ARHGAP40: variants seen among roughly 807,000 people sequenced by gnomAD.
The protein encoded by ARHGAP40 is rho GTPase-activating protein 40.
In ARHGAP40, 43 loss-of-function variants were observed where a neutral mutation model predicts 73.5. The observed-to-expected ratio is 0.58, with a 90% confidence interval of 0.46 to 0.75. ARHGAP40 has a LOEUF of 0.75. Ranked by LOEUF, ARHGAP40 falls within the 30% of genes least tolerant of loss-of-function variation. ARHGAP40 has a pLI of 0.00. For missense variants in ARHGAP40, 734 were observed against 861.8 expected, an observed-to-expected ratio of 0.85 and a Z score of 1.86; for synonymous variants, 300 against 352.8, an observed-to-expected ratio of 0.85 and a Z score of 1.68.
chr20:38,630,762 C>T (rs2088933258), intron 5 of ARHGAP40, among the ~76,000 whole-genome samples: 2 of 152,164 alleles, frequency 1.3e-5, no homozygotes, highest in South Asian at 4.1e-4. Flanking sequence ...TCCTACCCCA[C>T]CACCCCCTCA....
At position 38,607,274 on chromosome 20, in the gene ARHGAP40, C is replaced by T. The variant is rs1266796461; in HGVS notation, c.137+5195C>T. On this transcript the variant is annotated intron_variant, in intron 1 of 14. Coordinates refer to ENST00000373345, the Ensembl canonical transcript of ARHGAP40. ...TCATTGGGAAAGTTCCTTCATTTCTCTGGGCCTGATCCTTCATTTGTGGAA... is the reference window on the plus strand; with the variant it reads ...TCATTGGGAAAGTTCCTTCATTTCTTTGGGCCTGATCCTTCATTTGTGGAA... Among the ~76,000 whole-genome samples the T allele has an allele frequency of 3.3e-5, 5 of 152,322 alleles. No individual in the cohort carries two copies. The East Asian group carries it at 5.8e-4, about 18-fold the overall frequency.
At chr20:38,645,749 G>A (rs2089047528) in intron 11 of ARHGAP40, among the ~76,000 whole-genome samples, 2 of 152,160 alleles carry the variant, frequency 1.3e-5, no homozygotes, top group Non-Finnish European at 2.9e-5. Context: ...GTGCCAGTGA[G>A]CAGCTATCCC....
exon 2 of ARHGAP40, chr20:38,623,407 C>G: frequency 7.7e-7 from 1 of 1,290,910 alleles, no homozygotes; most frequent in Non-Finnish European, 1.0e-6. Context: ...AGAAGAATCT[C>G]CTGCGACTAC....
At chr20:38,634,917 C>T in intron 6 of ARHGAP40, 132 bp downstream of exon 6, 5 of 997,620 alleles carry the variant, frequency 5.0e-6, no homozygotes, top group Non-Finnish European at 6.4e-6. Context: ...GAGTCTCGCT[C>T]TGTCACCAGG....
intron 1 of ARHGAP40, among the ~76,000 whole-genome samples, chr20:38,617,226 T>C (rs2145598267): frequency 6.6e-6 from 1 of 152,316 alleles, no homozygotes; most frequent in South Asian, 2.1e-4. Context: ...GCCCGCATTC[T>C]TGCTCCCTCG....
chr20:38,647,226 G>T, intron 13 of ARHGAP40, 100 bp downstream of exon 13: 2 of 1,087,220 alleles, frequency 1.8e-6, no homozygotes, highest in Non-Finnish European at 2.4e-6. Context: ...CTGTTGGCCT[G>T]ACCTGGCCTT....
At chr20:38,627,689 G>A (rs1195207432) in intron 3 of ARHGAP40, among the ~76,000 whole-genome samples, 1 of 147,078 alleles carries the variant, frequency 6.8e-6, no homozygotes, top group African/African-American at 2.5e-5. Context: ...TGTGTTGTGT[G>A]TGTGTTGGTG....
intron 3 of ARHGAP40, among the ~76,000 whole-genome samples, chr20:38,627,607 G>GTGTGTTGGTGTGTA (rs1305675287): frequency 2.2e-5 from 3 of 134,564 alleles, no homozygotes; most frequent in Non-Finnish European, 4.7e-5. Context: ...GTGCGTTGGT[G>GTGTGTTGGTGTGTA]TGTGTGTGTT....
At chr20:38,603,401 TTATCTGTCTATCTATC>T (rs1181555561) in intron 1 of ARHGAP40, among the ~76,000 whole-genome samples, 17 of 138,360 alleles carry the variant, frequency 1.2e-4, no homozygotes, top group South Asian at 2.4e-4. Flanking sequence ...ACAAGTTTGT[TTATCTGTCTATCTATC>T]TATCTATCTA....
Position 38,638,651 on chromosome 20 carries a change from C to T in ARHGAP40, c.1042-110C>T, listed in dbSNP as rs537121830. The stretch of plus-strand genomic sequence containing the variant: ...AAACTAATATTATTCCGAAGGAAAC[C>T]CTTCTCCTGGTACTCCCCTCTTTCT... On this transcript the variant is annotated intron_variant, in intron 7 of 14. Coordinates refer to ENST00000373345, the Ensembl canonical transcript of ARHGAP40. 19 of 739,122 alleles carry T rather than the reference C, an allele frequency of 2.6e-5. No individual in the cohort carries two copies. The East Asian group carries it at 9.9e-4, about 38-fold the overall frequency. The allele number at this position is 739,122 out of a possible 1,614,324, so 45.8% of individuals were successfully genotyped here. A position where few individuals can be genotyped will look rare whatever the true frequency, so the allele number is the denominator to read the frequency against.
At chr20:38,605,740 T>C (rs2145591441) in intron 1 of ARHGAP40, among the ~76,000 whole-genome samples, 1 of 152,346 alleles carries the variant, frequency 6.6e-6, no homozygotes, top group South Asian at 2.1e-4. Flanking sequence ...TTTACATACA[T>C]GTATACGTAA....
At chr20:38,639,254 T>G (rs2145611532) in exon 9 of ARHGAP40, 1 of 1,305,462 alleles carries the variant, frequency 7.7e-7, no homozygotes, top group Non-Finnish European at 1.0e-6. Context: ...GGAGAGAGAC[T>G]TCTATGCTGG....
exon 4 of ARHGAP40, chr20:38,628,990 A>C (rs1390427833): frequency 7.7e-7 from 1 of 1,304,852 alleles, no homozygotes; most frequent in East Asian, 5.6e-5. Flanking sequence ...CGGGGCCTCT[A>C]AGTTTCCTCC....
At chr20:38,627,612 T>G (rs2088909508) in intron 3 of ARHGAP40, among the ~76,000 whole-genome samples, 3 of 101,956 alleles carry the variant, frequency 2.9e-5, no homozygotes, top group Non-Finnish European at 4.3e-5. Flanking sequence ...TTGGTGTGTG[T>G]GTGTTGGTGT....
exon 11 of ARHGAP40, chr20:38,643,864 C>A (rs569935190): frequency 1.5e-6 from 2 of 1,305,246 alleles, no homozygotes; most frequent in African/African-American, 1.5e-5. Flanking sequence ...GAAGGGGCAG[C>A]CGAGGTGGTG....
intron 1 of ARHGAP40, among the ~76,000 whole-genome samples, chr20:38,606,398 G>A (rs1601131110): frequency 6.6e-6 from 1 of 152,288 alleles, no homozygotes; most frequent in Admixed American, 6.5e-5. Flanking sequence ...CATATTCTGG[G>A]TGGTTTTCCA....
intron 5 of ARHGAP40, among the ~76,000 whole-genome samples, chr20:38,634,318 C>T (rs2088959675): frequency 1.3e-5 from 2 of 152,180 alleles, no homozygotes. Context: ...TGCCACTGTA[C>T]GCCAGCTTGG....
At chr20:38,649,456 C>A (rs2089073974) in intron 14 of ARHGAP40, among the ~76,000 whole-genome samples, 2 of 152,186 alleles carry the variant, frequency 1.3e-5, no homozygotes, top group South Asian at 4.1e-4. Flanking sequence ...CACTAGGTGG[C>A]TCTAGAGAAC....
intron 1 of ARHGAP40, among the ~76,000 whole-genome samples, chr20:38,616,278 C>G (rs1313112682): frequency 6.6e-6 from 1 of 152,244 alleles, no homozygotes; most frequent in Non-Finnish European, 1.5e-5. Flanking sequence ...GCGGCTGTTG[C>G]TCTTCCAGCC....
Sources: gnomAD v4.1 joint callset for allele counts (sites outside exome capture counted in the v4.1 genomes callset) on GRCh38, gnomAD v4.1.1 for gene constraint, MANE v1.5 for transcripts, NCBI Gene and HGNC (gene_info 2026-07-23, HGNC 2026-07-21) for gene names.